MAGI1: variants seen among roughly 807,000 people sequenced by gnomAD.
The protein encoded by MAGI1 is membrane-associated guanylate kinase, WW and PDZ domain-containing protein 1.
A neutral mutation model predicts 139.9 loss-of-function variants in MAGI1; 58 were observed. The ratio of observed to expected loss-of-function variants is 0.41; its 90% CI spans 0.34 to 0.52. The LOEUF (loss-of-function observed/expected upper bound fraction) is 0.52, where lower values mean the gene tolerates loss of function less well. Ranked by LOEUF, MAGI1 falls within the 20% of genes least tolerant of loss-of-function variation. The probability of loss-of-function intolerance (pLI) is 0.12; values close to 1 mark genes in which losing one functional copy is unlikely to be tolerated. For synonymous variants in MAGI1, 812 were observed against 737.9 expected (o/e 1.10, Z -1.63); for missense variants, 1,874 against 1,901.6 (o/e 0.99, Z 0.27).
At chr3:65,374,083 A>G (rs1432512533) in intron 18 of MAGI1, among the ~76,000 whole-genome samples, 5 of 152,276 alleles carry the variant, frequency 3.3e-5, no homozygotes, top group Admixed American at 2.0e-4. Flanking sequence ...GATACATGGC[A>G]TAGAGTTTTT....
chr3:65,372,656 ACTGAAAATCTGTCATTT>A (rs1559503851), intron 18 of MAGI1, among the ~76,000 whole-genome samples: 4 of 152,336 alleles, frequency 2.6e-5, no homozygotes, highest in African/African-American at 9.6e-5. Flanking sequence ...TTTTGTCTAC[ACTGAAAATCTGTCATTT>A]TGTGTAGCCA....
intron 3 of MAGI1, among the ~76,000 whole-genome samples, chr3:65,484,624 T>C (rs796685427): frequency 1.6e-4 from 25 of 152,266 alleles, no homozygotes; most frequent in African/African-American, 5.8e-4. Flanking sequence ...TCCAAGCACT[T>C]GTCCTGATTG....
At chr3:65,963,893 T>C (rs747759427) in intron 1 of MAGI1, among the ~76,000 whole-genome samples, 53 of 152,190 alleles carry the variant, frequency 3.5e-4, no homozygotes, top group Non-Finnish European at 6.0e-4. Context: ...AGGTCAACAC[T>C]TTTTCATATA....
At chr3:65,803,647 G>A (rs1175950668) in intron 1 of MAGI1, among the ~76,000 whole-genome samples, 1 of 152,086 alleles carries the variant, frequency 6.6e-6, no homozygotes, top group Non-Finnish European at 1.5e-5. Context: ...TCATCACTCA[G>A]GTACTAAGCC....
intron 1 of MAGI1, among the ~76,000 whole-genome samples, chr3:66,001,321 T>G (rs899912315): frequency 6.6e-6 from 1 of 152,032 alleles, no homozygotes; most frequent in Admixed American, 6.6e-5. Flanking sequence ...CTTTGAATAT[T>G]CAAAAAAGAT....
chr3:65,733,276 T>A (rs2034378846), intron 1 of MAGI1, among the ~76,000 whole-genome samples: 1 of 152,118 alleles, frequency 6.6e-6, no homozygotes, highest in South Asian at 2.1e-4. Flanking sequence ...GCCAGGCTAG[T>A]CTCGAACTCC....
At chr3:65,704,332 A>G (rs931929446) in intron 1 of MAGI1, among the ~76,000 whole-genome samples, 6 of 152,168 alleles carry the variant, frequency 3.9e-5, no homozygotes, top group African/African-American at 1.4e-4. Context: ...CACAGTTGTT[A>G]CCAAATGAGC....
Position 65,539,264 on chromosome 3 carries a change from C to T in MAGI1, c.431-45633G>A, listed in dbSNP as rs946874998. Among the ~76,000 whole-genome samples the T allele has an allele frequency of 5.2e-4, 79 of 151,548 alleles. 1 individual carries two copies. Among genetic ancestry groups the T allele is most frequent in the Non-Finnish European group, 1.0e-4 (7 of 68,010 alleles). On this transcript the variant is annotated intron_variant, in intron 2 of 22. Coordinates refer to ENST00000402939, the MANE Select transcript of MAGI1 (RefSeq NM_001033057.2). ...GAAACATGCACCAAGTACCAACAAA[C>T]AGACATACATACCAACTACCATCAA...
chr3:65,493,034 C>T (rs902508241), intron 3 of MAGI1, among the ~76,000 whole-genome samples: 6 of 148,332 alleles, frequency 4.0e-5, no homozygotes, highest in Admixed American at 6.8e-5. Context: ...GCCAAGATCG[C>T]GCCACTGCAC....
chr3:66,021,305 T>C (rs976517105), intron 1 of MAGI1, among the ~76,000 whole-genome samples: 46 of 152,324 alleles, frequency 3.0e-4, no homozygotes, highest in African/African-American at 1.0e-3. Context: ...CAATGCTGTC[T>C]TTCCACCGGA....
chr3:65,648,947 G>C (rs894015843), intron 1 of MAGI1, among the ~76,000 whole-genome samples: 1 of 152,134 alleles, frequency 6.6e-6, no homozygotes, highest in Admixed American at 6.5e-5. Flanking sequence ...AAGCAATTCA[G>C]TGGAGAAAGG....
At chr3:65,809,546 T>G (rs1034643957) in intron 1 of MAGI1, among the ~76,000 whole-genome samples, 3 of 152,148 alleles carry the variant, frequency 2.0e-5, no homozygotes, top group African/African-American at 7.2e-5. Flanking sequence ...CAGAAATACC[T>G]TCTACCCAGT....
chr3:65,794,722 C>T (rs796540921), intron 1 of MAGI1, among the ~76,000 whole-genome samples: 57 of 151,316 alleles, frequency 3.8e-4, no homozygotes, highest in African/African-American at 1.1e-3. Flanking sequence ...AAAGAGGGGG[C>T]AAAGAAAAGA....
intron 1 of MAGI1, among the ~76,000 whole-genome samples, chr3:65,872,408 T>C (rs1402785209): frequency 6.6e-6 from 1 of 152,186 alleles, no homozygotes; most frequent in Admixed American, 6.6e-5. Context: ...TATTAGCCTG[T>C]CCCCTTCTCC....
intron 14 of MAGI1, among the ~76,000 whole-genome samples, chr3:65,389,485 A>G (rs946092647): frequency 5.3e-5 from 8 of 152,196 alleles, no homozygotes; most frequent in Admixed American, 1.3e-4. Context: ...CAATAAAGCA[A>G]TATCTCAACA....
intron 13 of MAGI1, 149 bp downstream of exon 13, chr3:65,401,290 A>C: frequency 2.0e-6 from 2 of 978,870 alleles, no homozygotes; most frequent in Non-Finnish European, 3.0e-6. Flanking sequence ...GATCCCCAGA[A>C]CTTAAGAAAA....
chr3:65,763,984 A>C (rs561900514), intron 1 of MAGI1, among the ~76,000 whole-genome samples: 1 of 151,234 alleles, frequency 6.6e-6, no homozygotes, highest in East Asian at 2.0e-4. Context: ...AGGTGAGAGG[A>C]TCACTTTACC....
intron 12 of MAGI1, among the ~76,000 whole-genome samples, chr3:65,418,509 G>T (rs1946397627): frequency 6.6e-6 from 1 of 152,108 alleles, no homozygotes; most frequent in South Asian, 2.1e-4. Flanking sequence ...AGTTTACACA[G>T]ACTAACCCCA....
intron 3 of MAGI1, among the ~76,000 whole-genome samples, chr3:65,484,112 G>A (rs1951466590): frequency 6.6e-6 from 1 of 152,196 alleles, no homozygotes; most frequent in African/African-American, 2.4e-5. Flanking sequence ...CATCAGTTTT[G>A]TCAAGCTTCA....
Sources: gnomAD v4.1 joint callset for allele counts (sites outside exome capture counted in the v4.1 genomes callset) on GRCh38, gnomAD v4.1.1 for gene constraint, MANE v1.5 for transcripts, NCBI Gene and HGNC (gene_info 2026-07-23, HGNC 2026-07-21) for gene names.